The following RBM11 variants were observed in gnomAD, a reference collection of about 807,000 sequenced individuals.
The protein encoded by RBM11 is RNA binding motif protein 11.
Under a neutral mutation model 21.4 loss-of-function variants are expected in RBM11, and 18 were observed. That is an observed-to-expected ratio of 0.84 (90% CI 0.58 to 1.25). RBM11 has a LOEUF of 1.25. Among genes scored for constraint, RBM11 ranks in the 50% most tolerant of loss-of-function variants. RBM11 has a pLI of 0.00. For synonymous variants in RBM11, 120 were observed against 116.3 expected, an observed-to-expected ratio of 1.03 and a Z score of -0.20; for missense variants, 294 against 331.9, an observed-to-expected ratio of 0.89 and a Z score of 0.89.
chr21:14,223,622 G>A (rs778983147), intron 3 of RBM11, among the ~76,000 whole-genome samples: 3 of 152,108 alleles, frequency 2.0e-5, no homozygotes, highest in African/African-American at 7.2e-5. Context: ...TCTTCACATG[G>A]TGTTCTTCCT....
intron 3 of RBM11, among the ~76,000 whole-genome samples, chr21:14,223,918 C>T (rs1172374775): frequency 6.6e-6 from 1 of 152,156 alleles, no homozygotes; most frequent in Non-Finnish European, 1.5e-5. Flanking sequence ...CATAGTAGAG[C>T]TCACCAGAAG....
chr21:14,219,757 G>A, intron 2 of RBM11, 32 bp downstream of exon 2: 10 of 1,528,630 alleles, frequency 6.5e-6, no homozygotes, highest in Non-Finnish European at 8.9e-6. Flanking sequence ...TCTTCAAAGT[G>A]TTTTGTGGTT....
In RBM11 at chr21:14,216,384, C is replaced by G. The variant is rs2123382867; in HGVS notation, c.96+102C>G. On this transcript the variant is annotated intron_variant, in intron 1 of 4. Coordinates refer to ENST00000400577, the MANE Select transcript of RBM11 (RefSeq NM_144770.5). The stretch of plus-strand genomic sequence containing the variant: ...GAGCCCGGCCCCCTTCCGTCCCATC[C>G]TGAGCAGGGGTTTTAATTTCGTTTC... The G allele has an allele frequency of 1.1e-5, 10 of 931,008 alleles. No homozygotes were observed. The South Asian group carries it at 1.5e-4, about 14-fold the overall frequency. 57.7% of individuals were successfully genotyped at this position (931,008 alleles called of 1,614,324 possible). A position where few individuals can be genotyped will look rare whatever the true frequency, so the allele number is the denominator to read the frequency against.
At position 14,227,601 on chromosome 21, in the gene RBM11, A is replaced by T. The variant is rs1979220344; in HGVS notation, c.*308A>T. On this transcript the variant is annotated 3_prime_UTR_variant, in exon 5 of 5. Coordinates refer to ENST00000400577, the MANE Select transcript of RBM11 (RefSeq NM_144770.5). ...ACTATTAATCAAAAGTCACTTATTGAACACATTGATAAAGCATCATGTTCC... is the reference window on the plus strand; with the variant it reads ...ACTATTAATCAAAAGTCACTTATTGTACACATTGATAAAGCATCATGTTCC... The T allele has an allele frequency of 3.2e-6, 1 of 312,878 alleles. No homozygotes were observed. The highest frequency in any genetic ancestry group is 2.2e-5 in the African/African-American group (1 of 45,576). 19.4% of individuals were successfully genotyped at this position (312,878 alleles called of 1,614,324 possible).
chr21:14,224,988 T>C (rs566180311), intron 4 of RBM11, among the ~76,000 whole-genome samples: 1 of 151,920 alleles, frequency 6.6e-6, no homozygotes, highest in Admixed American at 6.6e-5. Context: ...GGCATGGTGG[T>C]GCACACCCGT....
chr21:14,220,253 G>A (rs1218566869), intron 2 of RBM11, among the ~76,000 whole-genome samples: 3 of 152,078 alleles, frequency 2.0e-5, no homozygotes, highest in African/African-American at 4.8e-5. Context: ...AAAACTTCCT[G>A]ACAAGAATGG....
chr21:14,216,321 C>T, intron 1 of RBM11, 39 bp downstream of exon 1: 1 of 1,575,790 alleles, frequency 6.3e-7, no homozygotes. Context: ...GGGCGGAGCA[C>T]GTCGGGCCGG....
chr21:14,222,906 G>C (rs780092221), intron 3 of RBM11, among the ~76,000 whole-genome samples: 5 of 152,182 alleles, frequency 3.3e-5, no homozygotes, highest in Non-Finnish European at 7.3e-5. Context: ...AGCATAAAGG[G>C]GGGGAAGCAC....
chr21:14,219,890 T>C (rs1978513808), intron 2 of RBM11, among the ~76,000 whole-genome samples, 165 bp downstream of exon 2: 1 of 152,178 alleles, frequency 6.6e-6, no homozygotes, highest in Admixed American at 6.5e-5. Context: ...TAATTCATAA[T>C]GTTATATAGT....
intron 2 of RBM11, among the ~76,000 whole-genome samples, chr21:14,219,964 T>A (rs1978518949): frequency 6.6e-6 from 1 of 152,196 alleles, no homozygotes; most frequent in Admixed American, 6.5e-5. Flanking sequence ...ATCGTTTTAG[T>A]ATCAGCCAGC....
chr21:14,225,853 T>C (rs1239843126), intron 4 of RBM11, among the ~76,000 whole-genome samples: 2 of 152,146 alleles, frequency 1.3e-5, no homozygotes, highest in East Asian at 3.8e-4. Context: ...AGAGCTTGTT[T>C]GTTTTTAAAG....
At position 14,216,267 on chromosome 21, in the gene RBM11, C is replaced by A; in HGVS notation, c.81C>A (p.Tyr27Ter). Residue 27 changes from tyrosine to a stop codon, truncating the protein, a stop_gained, in exon 1 of 5, where the codon TAC becomes TAA. Coordinates refer to ENST00000400577, the MANE Select transcript of RBM11 (RefSeq NM_144770.5). LOFTEE classifies it high-confidence loss of function. ...LEARVREEIL[Y>*]ELFLQAGPLT... The stretch of plus-strand genomic sequence containing the variant: ...CCCGAGTTCGGGAAGAGATTCTGTA[C>A]GAGCTGTTCCTTCAGGTACCGTCTC... 1 of 1,613,526 alleles carries A rather than the reference C, an allele frequency of 6.2e-7. No individual in the cohort carries two copies. Among genetic ancestry groups the A allele is most frequent in the Non-Finnish European group, 8.5e-7 (1 of 1,179,668 alleles).
Position 14,226,932 on chromosome 21 carries a change from C to T in RBM11, c.485C>T (p.Ala162Val), listed in dbSNP as rs962175010. The T allele has an allele frequency of 6.2e-7, 1 of 1,613,644 alleles. No homozygotes were observed. The highest frequency in any genetic ancestry group is 1.3e-5 in the African/African-American group (1 of 74,946). ...CAGCTTCCTTACTATGAAATGACAGCTCCACTTCCTAATAGTGCATCCGTG... is the reference window on the plus strand; with the variant it reads ...CAGCTTCCTTACTATGAAATGACAGTTCCACTTCCTAATAGTGCATCCGTG... The part of the protein sequence containing the change: ...VLQLPYYEMT[A>V]PLPNSASVSS... The change falls in exon 5 of 5, where the codon GCT becomes GTT. Residue 162 changes from alanine (A) to valine (V), a missense_variant. Physicochemically the swap from Ala to Val is moderately conservative, Grantham distance 64. Around this residue, in one of 2 missense-constraint regions of RBM11, gnomAD observed 113 missense variants for 167.3 expected, o/e 0.68. Coordinates refer to ENST00000400577, the MANE Select transcript of RBM11 (RefSeq NM_144770.5).
intron 1 of RBM11, among the ~76,000 whole-genome samples, chr21:14,218,843 G>A (rs1443904945): frequency 6.6e-6 from 1 of 151,996 alleles, no homozygotes; most frequent in East Asian, 1.9e-4. Flanking sequence ...TTGGCTCTGT[G>A]TTTTTAAATC....
At chr21:14,219,388 A>G (rs1024583688) in intron 1 of RBM11, among the ~76,000 whole-genome samples, 175 bp from the exon 2 acceptor site, 17 of 152,338 alleles carry the variant, frequency 1.1e-4, no homozygotes, top group African/African-American at 4.1e-4. Flanking sequence ...AATGAGCCAG[A>G]AAATACAAAG....
chr21:14,218,201 A>AT (rs141458190), intron 1 of RBM11, among the ~76,000 whole-genome samples: 38,094 of 152,006 alleles, frequency 0.25, 5,364 homozygotes, highest in African/African-American at 0.39. Flanking sequence ...AATGCTTTGA[A>AT]TATCTAAATT....
chr21:14,216,394 GT>G, intron 1 of RBM11, 112 bp downstream of exon 1: 2 of 855,152 alleles, frequency 2.3e-6, no homozygotes, highest in Non-Finnish European at 3.7e-6. Context: ...CTGAGCAGGG[GT>G]TTTAATTTCG....
chr21:14,223,406 T>C (rs1172289367), intron 3 of RBM11, among the ~76,000 whole-genome samples: 1 of 152,206 alleles, frequency 6.6e-6, no homozygotes, highest in African/African-American at 2.4e-5. Context: ...AGGGCTGCTA[T>C]AACAAAGTAC....
intron 1 of RBM11, among the ~76,000 whole-genome samples, chr21:14,218,857 A>G (rs924890824): frequency 6.6e-6 from 1 of 152,108 alleles, no homozygotes; most frequent in African/African-American, 2.4e-5. Flanking sequence ...TTAAATCTTC[A>G]TTGCATATTA....
Sources: allele counts gnomAD v4.1 joint callset (sites outside exome capture counted in the v4.1 genomes callset), GRCh38; gene constraint gnomAD v4.1.1; regional missense constraint gnomAD v4.1.1; transcripts MANE v1.5; gene names NCBI Gene and HGNC (gene_info 2026-07-23, HGNC 2026-07-21).